Variants in RFC1 observed in about 807,000 individuals in gnomAD.
RFC1 encodes the protein A1 140 kDa subunit.
A neutral mutation model predicts 137.4 loss-of-function variants in RFC1; 37 were observed. The observed-to-expected ratio is 0.27, with a 90% CI of 0.21 to 0.35. The LOEUF (loss-of-function observed/expected upper bound fraction) is 0.35, where lower values mean the gene tolerates loss of function less well. Ranked by LOEUF, RFC1 falls within the 10% of genes least tolerant of loss-of-function variation. RFC1 has a pLI of 1.00. For missense variants in RFC1, 1,205 were observed against 1,358.5 expected (o/e 0.89, Z 1.78); for synonymous variants, 429 against 455.7 (o/e 0.94, Z 0.75).
chr4:39,345,015 A>G (rs1329267604), intron 3 of RFC1, among the ~76,000 whole-genome samples: 1 of 152,014 alleles, frequency 6.6e-6, no homozygotes, highest in Non-Finnish European at 1.5e-5. Context: ...TGATTTATTT[A>G]TTTATAATTT....
At chr4:39,336,506 A>C (rs1445694977) in intron 4 of RFC1, among the ~76,000 whole-genome samples, 1 of 152,250 alleles carries the variant, frequency 6.6e-6, no homozygotes, top group African/African-American at 2.4e-5. Flanking sequence ...TGAATACTAA[A>C]AATGATATCT....
At chr4:39,313,028 T>G in intron 10 of RFC1, 97 bp from the exon 11 acceptor site, 1 of 1,021,366 alleles carries the variant, frequency 9.8e-7, no homozygotes, top group Non-Finnish European at 1.4e-6. Flanking sequence ...TTTTCTCATT[T>G]CACATCATAA....
At chr4:39,305,515 T>C (rs1013050023) in intron 14 of RFC1, among the ~76,000 whole-genome samples, 3 of 151,964 alleles carry the variant, frequency 2.0e-5, no homozygotes, top group Non-Finnish European at 4.4e-5. Context: ...GGGTGAGGCA[T>C]GAGAATCACT....
Position 39,346,476 on chromosome 4 carries a change from C to CA in RFC1, c.133-1001dup, listed in dbSNP as rs79505335. ...GGGCAACAAGAGCAAAATTCCGTCTCAAAAAAAAAAAAAAAGTACTAAATA... is the reference window on the plus strand; with the variant it reads ...GGGCAACAAGAGCAAAATTCCGTCTCAAAAAAAAAAAAAAAAGTACTAAATA... On this transcript the variant is annotated intron_variant, in intron 2 of 24. Coordinates refer to ENST00000349703, the MANE Select transcript of RFC1 (RefSeq NM_002913.5). Among the ~76,000 whole-genome samples, 674 of 86,494 alleles carry CA rather than the reference C, an allele frequency of 7.8e-3. 1 individual carries two copies. The highest frequency in any genetic ancestry group is 0.021 in the African/African-American group (465 of 22,640). The allele number at this position is 86,494 out of a possible 152,430, so 56.7% of individuals were successfully genotyped here.
chr4:39,318,522 A>C (rs1739361674), intron 9 of RFC1, among the ~76,000 whole-genome samples: 1 of 152,228 alleles, frequency 6.6e-6, no homozygotes, highest in Non-Finnish European at 1.5e-5. Context: ...GACCAACTAA[A>C]TGTATTAAAT....
intron 14 of RFC1, among the ~76,000 whole-genome samples, chr4:39,306,339 C>T (rs1315229636): frequency 6.6e-6 from 1 of 152,230 alleles, no homozygotes; most frequent in Non-Finnish European, 1.5e-5. Flanking sequence ...CACCCACGTG[C>T]TTAGTACACT....
chr4:39,353,288 T>A (rs946987074), intron 1 of RFC1, among the ~76,000 whole-genome samples: 1 of 149,124 alleles, frequency 6.7e-6, no homozygotes, highest in Non-Finnish European at 1.5e-5. Context: ...ATAATCCACC[T>A]GCTCTGAAGA....
intron 1 of RFC1, among the ~76,000 whole-genome samples, chr4:39,364,724 A>G (rs1302707229): frequency 6.6e-6 from 1 of 152,150 alleles, no homozygotes; most frequent in Non-Finnish European, 1.5e-5. Flanking sequence ...CGGAAGCTTT[A>G]CCTATACATC....
At chr4:39,331,935 A>G (rs1318213717) in intron 4 of RFC1, among the ~76,000 whole-genome samples, 1 of 152,184 alleles carries the variant, frequency 6.6e-6, no homozygotes, top group Admixed American at 6.5e-5. Flanking sequence ...GGAGGGATCC[A>G]GAGAAAGGTG....
At chr4:39,302,124 A>C (rs1442147054) in intron 19 of RFC1, among the ~76,000 whole-genome samples, 154 bp downstream of exon 19, 3 of 152,244 alleles carry the variant, frequency 2.0e-5, no homozygotes, top group African/African-American at 7.2e-5. Context: ...TTTGAATTAG[A>C]AACACTTTCA....
intron 4 of RFC1, among the ~76,000 whole-genome samples, chr4:39,338,142 A>G (rs909722155): frequency 6.6e-6 from 1 of 152,246 alleles, no homozygotes; most frequent in Non-Finnish European, 1.5e-5. Flanking sequence ...ACTAGAGTCA[A>G]TAGTTGGCTA....
chr4:39,354,316 T>C (rs1330581072), intron 1 of RFC1, among the ~76,000 whole-genome samples: 8 of 152,228 alleles, frequency 5.3e-5, no homozygotes, highest in Non-Finnish European at 1.2e-4. Context: ...CAATTTGTCC[T>C]TAATTTATAG....
intron 1 of RFC1, 100 bp downstream of exon 1, chr4:39,366,139 G>T: frequency 7.6e-7 from 1 of 1,317,996 alleles, no homozygotes. Context: ...ACCACCCACC[G>T]CCATCCTCCC....
At chr4:39,326,518 G>A in intron 6 of RFC1, 45 bp downstream of exon 6, 1 of 1,504,008 alleles carries the variant, frequency 6.6e-7, no homozygotes, top group Non-Finnish European at 9.2e-7. Context: ...TAAATAGCTA[G>A]TCAGAATATC....
chr4:39,312,260 T>C (rs1387682903), intron 11 of RFC1, among the ~76,000 whole-genome samples: 3 of 152,166 alleles, frequency 2.0e-5, no homozygotes, highest in Non-Finnish European at 1.5e-5. Context: ...AACCACATCG[T>C]TGAGATGCCG....
intron 3 of RFC1, among the ~76,000 whole-genome samples, chr4:39,345,165 C>T (rs1436466254): frequency 6.6e-6 from 1 of 152,140 alleles, no homozygotes; most frequent in Non-Finnish European, 1.5e-5. Context: ...CAGGCGCGTG[C>T]CACCACGCCC....
At chr4:39,362,756 C>A (rs1233894546) in intron 1 of RFC1, among the ~76,000 whole-genome samples, 1 of 152,032 alleles carries the variant, frequency 6.6e-6, no homozygotes, top group South Asian at 2.1e-4. Flanking sequence ...GACAGACATG[C>A]AAGGATGTGG....
intron 13 of RFC1, among the ~76,000 whole-genome samples, 184 bp downstream of exon 13, chr4:39,308,452 G>A (rs17288419): frequency 1.3e-5 from 2 of 152,148 alleles, no homozygotes; most frequent in Admixed American, 1.3e-4. Flanking sequence ...GTGAGCTCCT[G>A]AGAGGGACTG....
intron 14 of RFC1, 72 bp downstream of exon 14, chr4:39,306,520 G>C (rs577483132): frequency 6.1e-5 from 48 of 784,906 alleles, no homozygotes; most frequent in Middle Eastern, 6.0e-4. Context: ...ACAGATGTGG[G>C]TACACACTTT....
Sources: allele counts gnomAD v4.1 joint callset (sites outside exome capture counted in the v4.1 genomes callset), GRCh38; gene constraint gnomAD v4.1.1; transcripts MANE v1.5; gene names NCBI Gene and HGNC (gene_info 2026-07-23, HGNC 2026-07-21).